WDR70: variants seen among roughly 807,000 people sequenced by gnomAD.
WDR70 encodes WD repeat-containing protein 70.
Under a neutral mutation model 88.6 loss-of-function variants are expected in WDR70, and 53 were observed. The ratio of observed to expected loss-of-function variants is 0.60; its 90% confidence interval spans 0.48 to 0.75. WDR70 has a LOEUF of 0.75. Among genes scored for constraint, WDR70 ranks in the 30% least tolerant of loss-of-function variants. The pLI, the probability that WDR70 is intolerant of heterozygous loss-of-function variation, is 0.00. For synonymous variants in WDR70, 280 were observed against 270.0 expected (o/e 1.04, Z -0.36); for missense variants, 610 against 823.2 (o/e 0.74, Z 3.17).
At chr5:37,400,561 G>A (rs1182644887) in intron 5 of WDR70, among the ~76,000 whole-genome samples, 3 of 152,148 alleles carry the variant, frequency 2.0e-5, no homozygotes, top group Non-Finnish European at 2.9e-5. Context: ...AGGAAGAATG[G>A]CTTTTTGAGG....
At chr5:37,413,265 G>GA (rs1270137584) in intron 5 of WDR70, among the ~76,000 whole-genome samples, 5 of 151,632 alleles carry the variant, frequency 3.3e-5, no homozygotes, top group Admixed American at 6.6e-5. Flanking sequence ...ATAGTGGAAG[G>GA]AAAAAAAAGA....
chr5:37,523,836 C>T (rs1309101630), intron 9 of WDR70, among the ~76,000 whole-genome samples: 1 of 152,148 alleles, frequency 6.6e-6, no homozygotes, highest in African/African-American at 2.4e-5. Context: ...GACGCATGCA[C>T]AAGCTTCAAT....
chr5:37,446,639 A>G lies in WDR70; in HGVS notation c.686+3267A>G, dbSNP rs1581285962. ...AGAGCCCTCAGAAATAATACCACAC[A>G]TCTACAACCATCTGATCTTTGACAA... On this transcript the variant is annotated intron_variant, in intron 7 of 17. Coordinates refer to ENST00000265107, the MANE Select transcript of WDR70 (RefSeq NM_018034.4). Among the ~76,000 whole-genome samples the G allele has an allele frequency of 2.6e-5, 4 of 152,276 alleles. No homozygotes were observed. The South Asian group carries it at 8.3e-4, about 32-fold the overall frequency.
chr5:37,677,362 G>A (rs565396241), intron 10 of WDR70, among the ~76,000 whole-genome samples: 95 of 152,172 alleles, frequency 6.2e-4, no homozygotes, highest in Non-Finnish European at 1.2e-3. Context: ...GCTTTCTCTT[G>A]TGGGCATTTA....
intron 10 of WDR70, among the ~76,000 whole-genome samples, chr5:37,687,094 C>T (rs907225966): frequency 2.0e-5 from 3 of 151,950 alleles, no homozygotes; most frequent in Non-Finnish European, 4.4e-5. Flanking sequence ...TTTAGATTCC[C>T]GACATTATGC....
At chr5:37,486,476 C>T (rs1331657320) in intron 8 of WDR70, among the ~76,000 whole-genome samples, 15 of 142,672 alleles carry the variant, frequency 1.1e-4, no homozygotes, top group East Asian at 2.1e-4. Flanking sequence ...CCTGAGTAGC[C>T]GGGATTACAG....
chr5:37,545,007 G>A (rs1472175710), intron 9 of WDR70, among the ~76,000 whole-genome samples: 1 of 152,028 alleles, frequency 6.6e-6, no homozygotes, highest in Non-Finnish European at 1.5e-5. Context: ...ATTTTGGGGG[G>A]AAACAAAGTA....
At chr5:37,646,701 T>A (rs1263415141) in intron 10 of WDR70, among the ~76,000 whole-genome samples, 2 of 152,180 alleles carry the variant, frequency 1.3e-5, no homozygotes, top group Non-Finnish European at 2.9e-5. Flanking sequence ...TCCTGGCCTG[T>A]AGAGTTTCCA....
At chr5:37,733,427 A>T (rs1748210725) in intron 17 of WDR70, among the ~76,000 whole-genome samples, 1 of 152,096 alleles carries the variant, frequency 6.6e-6, no homozygotes. Flanking sequence ...GTAGAGTTCT[A>T]ATTTACTTAT....
Position 37,701,148 on chromosome 5 carries a change from T to C in WDR70, c.1277+6T>C. On this transcript the variant is annotated splice_donor_region_variant and intron_variant, in intron 12 of 17. Transcript: ENST00000265107. ...CTTCCCACCATGTTCCCAATGTAAG[T>C]AGCATATTTTAAATATTTGATCAGC... 6.4e-7 allele frequency: 1 copy of C among 1,563,798 alleles called. No homozygotes were observed. Among genetic ancestry groups the C allele is most frequent in the Admixed American group, 1.7e-5 (1 of 59,886 alleles).
intron 10 of WDR70, among the ~76,000 whole-genome samples, chr5:37,631,132 G>T (rs888199250): frequency 1.3e-5 from 2 of 152,130 alleles, no homozygotes; most frequent in African/African-American, 4.8e-5. Context: ...TGTCATTACA[G>T]ATGCATCTTC....
At position 37,697,870 on chromosome 5, in the gene WDR70, C is replaced by G. The variant is rs1581507198; in HGVS notation, c.1192+116C>G. 4.2e-6 allele frequency: 3 copies of G among 706,120 alleles called. No individual in the cohort carries two copies. The East Asian group carries it at 8.3e-5, about 20-fold the overall frequency. 43.7% of individuals were successfully genotyped at this position (706,120 alleles called of 1,614,324 possible). ...GCTTGCTTTGATTTTTGTTAATGCACCTTTGCCAGTCTGATTTCTTCATTA... is the reference window on the plus strand; with the variant it reads ...GCTTGCTTTGATTTTTGTTAATGCAGCTTTGCCAGTCTGATTTCTTCATTA... On this transcript the variant is annotated intron_variant, in intron 11 of 17. Coordinates refer to ENST00000265107, the MANE Select transcript of WDR70 (RefSeq NM_018034.4).
At chr5:37,606,306 TA>T (rs1269143002) in intron 10 of WDR70, among the ~76,000 whole-genome samples, 1 of 152,196 alleles carries the variant, frequency 6.6e-6, no homozygotes, top group Non-Finnish European at 1.5e-5. Context: ...TTTTCATCTC[TA>T]CTGTAAACCT....
chr5:37,533,860 G>A (rs866914907), intron 9 of WDR70, among the ~76,000 whole-genome samples: 5 of 152,088 alleles, frequency 3.3e-5, no homozygotes, highest in South Asian at 2.1e-4. Flanking sequence ...CATTCCTGCC[G>A]TGCCCCCTCA....
At chr5:37,615,006 A>C (rs1744294143) in intron 10 of WDR70, among the ~76,000 whole-genome samples, 1 of 152,142 alleles carries the variant, frequency 6.6e-6, no homozygotes, top group African/African-American at 2.4e-5. Context: ...GATTACTACC[A>C]AAAAATTTGA....
chr5:37,390,276 T>C (rs1001044341), intron 3 of WDR70, among the ~76,000 whole-genome samples: 2 of 151,596 alleles, frequency 1.3e-5, no homozygotes, highest in African/African-American at 4.8e-5. Flanking sequence ...TGAAAGCAAG[T>C]TTATTAGGAA....
At chr5:37,403,662 A>T (rs888144285) in intron 5 of WDR70, among the ~76,000 whole-genome samples, 2 of 152,226 alleles carry the variant, frequency 1.3e-5, no homozygotes, top group Admixed American at 1.3e-4. Flanking sequence ...TGTTGAAATT[A>T]ATGGGGTAAT....
chr5:37,380,824 C>G (rs1748403314), intron 2 of WDR70, among the ~76,000 whole-genome samples: 1 of 151,922 alleles, frequency 6.6e-6, no homozygotes, highest in African/African-American at 2.4e-5. Flanking sequence ...ATTTTTTATA[C>G]TTTTGGTAGA....
At chr5:37,563,679 G>A (rs1238073652) in intron 9 of WDR70, among the ~76,000 whole-genome samples, 1 of 116,248 alleles carries the variant, frequency 8.6e-6, no homozygotes. Flanking sequence ...CCTCCCTCCC[G>A]GACGGGGCGG....
Sources: allele counts gnomAD v4.1 joint callset (sites outside exome capture counted in the v4.1 genomes callset), GRCh38; gene constraint gnomAD v4.1.1; transcripts MANE v1.5; gene names NCBI Gene and HGNC (gene_info 2026-07-23, HGNC 2026-07-21).